Variants in ZNF654 observed in about 807,000 individuals in gnomAD.
The protein encoded by ZNF654 is melanoma-associated antigen.
A neutral mutation model predicts 95.3 loss-of-function variants in ZNF654; 19 were observed. The ratio of observed to expected loss-of-function variants is 0.20; its 90% CI spans 0.14 to 0.29. The LOEUF (loss-of-function observed/expected upper bound fraction) is 0.29. Among genes scored for constraint, ZNF654 ranks in the 10% least tolerant of loss-of-function variants. The pLI is 1.00. For synonymous variants in ZNF654, 413 were observed against 457.9 expected, an observed-to-expected ratio of 0.90 and a Z score of 1.25; for missense variants, 1,046 against 1,341.0, an observed-to-expected ratio of 0.78 and a Z score of 3.44.
Position 88,139,896 on chromosome 3 carries a change from G to C in ZNF654, c.2227G>C (p.Glu743Gln). 6.2e-7 allele frequency: 1 copy of C among 1,612,974 alleles called. No individual in the cohort carries two copies. Among genetic ancestry groups the C allele is most frequent in the Non-Finnish European group, 8.5e-7 (1 of 1,179,468 alleles). The part of the protein sequence containing the change: ...HPKDIYATDQ[E>Q]GNFKCPALGC... ...AAAAGACATATATGCCACAGATCAA[G>C]AAGGAAACTTTAAGTGTCCTGCTCT... is the stretch of plus-strand genomic sequence containing the variant. The change falls in exon 8 of 9, where the codon GAA becomes CAA. Residue 743 changes from glutamate to glutamine, a missense_variant. Glu to Gln is a conservative substitution (Grantham distance 29). Transcript: ENST00000636215.
chr3:88,114,871 T>C (rs1705296171), intron 3 of ZNF654, among the ~76,000 whole-genome samples: 1 of 152,212 alleles, frequency 6.6e-6, no homozygotes. Flanking sequence ...TCCAGGCTTT[T>C]GACTGACACT....
At chr3:88,084,725 A>G (rs747846442) in intron 1 of ZNF654, among the ~76,000 whole-genome samples, 3 of 152,086 alleles carry the variant, frequency 2.0e-5, no homozygotes. Flanking sequence ...ATTACACGAA[A>G]CTCTTGAGTC....
Position 88,139,689 on chromosome 3 carries a change from G to A in ZNF654, c.2020G>A (p.Glu674Lys). ...IPISVPEDVI[E>K]NVIENGSPNN... ...CATAAGTGTACCAGAAGATGTTATT[G>A]AAAATGTTATTGAAAATGGCAGTCC... The change falls in exon 8 of 9, where the codon GAA (glutamate) becomes AAA (lysine). Residue 674 changes from glutamate (E) to lysine (K), a missense_variant. This residue lies in a region of ZNF654 where 495 missense variants were observed against 537.0 expected (regional missense o/e 0.92). Coordinates refer to ENST00000636215, the MANE Select transcript of ZNF654 (RefSeq NM_001350134.2). 6.3e-7 allele frequency: 1 copy of A among 1,594,434 alleles called. No individual in the cohort carries two copies. Among genetic ancestry groups the A allele is most frequent in the Non-Finnish European group, 8.6e-7 (1 of 1,169,128 alleles).
intron 3 of ZNF654, among the ~76,000 whole-genome samples, chr3:88,114,756 G>A (rs1031211461): frequency 5.3e-5 from 8 of 152,104 alleles, no homozygotes; most frequent in African/African-American, 1.9e-4. Flanking sequence ...AGCTTATGCT[G>A]TGGGTGCTTC....
At chr3:88,114,115 G>GA (rs755207687) in intron 3 of ZNF654, among the ~76,000 whole-genome samples, 20 of 152,202 alleles carry the variant, frequency 1.3e-4, no homozygotes, top group African/African-American at 2.2e-4. Context: ...AAGCAAAACA[G>GA]AAAAAATCTT....
chr3:88,139,336 G>T lies in ZNF654; in HGVS notation c.1667G>T (p.Gly556Val). Residue 556 changes from glycine to valine, a missense_variant, in exon 8 of 9, where the codon GGT (glycine) becomes GTT (valine). Physicochemically the swap from Gly to Val is moderately radical, Grantham distance 109. Transcript: ENST00000636215. ...ATGTTATGTAACAAGGAATTTTTAG[G>T]TGGTCACATTGTAAGGCATGCCCAG... is the stretch of plus-strand genomic sequence containing the variant. The part of the protein sequence containing the change: ...RCMLCNKEFL[G>V]GHIVRHAQAH... The T allele has an allele frequency of 6.2e-7, 1 of 1,606,626 alleles. No homozygotes were observed. Among genetic ancestry groups the T allele is most frequent in the Non-Finnish European group, 8.5e-7 (1 of 1,177,550 alleles).
chr3:88,111,092 T>A (rs1236457750), intron 2 of ZNF654, among the ~76,000 whole-genome samples: 3 of 152,014 alleles, frequency 2.0e-5, no homozygotes, highest in African/African-American at 7.2e-5. Flanking sequence ...GTGTTGAACA[T>A]GGATTTTGAG....
chr3:88,062,436 C>G (rs758907356), intron 1 of ZNF654, among the ~76,000 whole-genome samples: 10 of 152,134 alleles, frequency 6.6e-5, no homozygotes, highest in Non-Finnish European at 1.2e-4. Context: ...CTGGAAATAA[C>G]TTGGTATTAT....
intron 2 of ZNF654, among the ~76,000 whole-genome samples, chr3:88,109,743 C>T (rs1374269030): frequency 5.9e-5 from 9 of 152,040 alleles, no homozygotes; most frequent in African/African-American, 2.2e-4. Flanking sequence ...GTGAACTGTA[C>T]ATAACTTACA....
At chr3:88,127,511 T>C (rs546952341) in intron 4 of ZNF654, among the ~76,000 whole-genome samples, 2 of 151,008 alleles carry the variant, frequency 1.3e-5, no homozygotes, top group South Asian at 4.2e-4. Flanking sequence ...TGAAGAAGTA[T>C]GAAGAGTCAA....
chr3:88,105,043 G>A (rs1704651938), intron 2 of ZNF654, among the ~76,000 whole-genome samples: 1 of 152,224 alleles, frequency 6.6e-6, no homozygotes, highest in Admixed American at 6.5e-5. Context: ...GGGAGACTGA[G>A]GCAGAAGAAT....
chr3:88,127,464 G>GGA (rs1427107629), intron 4 of ZNF654, among the ~76,000 whole-genome samples: 1 of 151,988 alleles, frequency 6.6e-6, no homozygotes, highest in Non-Finnish European at 1.5e-5. Context: ...AAACTAAAAG[G>GGA]GAGAGAGTTG....
intron 1 of ZNF654, among the ~76,000 whole-genome samples, chr3:88,069,290 T>C (rs1157072211): frequency 1.3e-5 from 2 of 152,062 alleles, no homozygotes; most frequent in African/African-American, 2.4e-5. Context: ...GGCATGGTGG[T>C]GCATGCCTGT....
intron 3 of ZNF654, among the ~76,000 whole-genome samples, chr3:88,123,414 G>T (rs1302443887): frequency 6.6e-6 from 1 of 152,122 alleles, no homozygotes; most frequent in Non-Finnish European, 1.5e-5. Context: ...ACAAAGATTG[G>T]CAAGAGTCAA....
In ZNF654 at chr3:88,096,806, C is replaced by A. The variant is rs73844872; in HGVS notation, c.332+10404C>A. Among the ~76,000 whole-genome samples the A allele has an allele frequency of 3.0e-3, 462 of 152,182 alleles. 3 individuals are homozygous for A. The highest frequency in any genetic ancestry group is 0.011 in the African/African-American group (444 of 41,530). ...ACCCTTGCCATTTACATTTACCTGT[C>A]CCCTAGTTTCCTAGTTTCTGTATCT... On this transcript the variant is annotated intron_variant, in intron 2 of 8. Transcript: ENST00000636215.
intron 6 of ZNF654, among the ~76,000 whole-genome samples, chr3:88,132,869 G>A (rs892916227): frequency 1.8e-4 from 27 of 152,188 alleles, no homozygotes; most frequent in African/African-American, 6.5e-4. Flanking sequence ...ATTTGTACTA[G>A]TTAGTTTGCA....
intron 2 of ZNF654, among the ~76,000 whole-genome samples, chr3:88,099,754 G>GA (rs1704292580): frequency 6.6e-6 from 1 of 152,150 alleles, no homozygotes; most frequent in African/African-American, 2.4e-5. Flanking sequence ...ATGGTGCCAG[G>GA]AAAACTGGCT....
intron 2 of ZNF654, among the ~76,000 whole-genome samples, chr3:88,107,353 G>A (rs1171075263): frequency 6.6e-6 from 1 of 152,028 alleles, no homozygotes; most frequent in Non-Finnish European, 1.5e-5. Flanking sequence ...TTACTGATTT[G>A]CATCTTAGAC....
intron 1 of ZNF654, among the ~76,000 whole-genome samples, chr3:88,070,978 C>G (rs772668893): frequency 6.6e-6 from 1 of 151,996 alleles, no homozygotes; most frequent in Non-Finnish European, 1.5e-5. Context: ...AAAACATAAT[C>G]AAGCTGAGGG....
Sources: gnomAD v4.1 joint callset for allele counts (sites outside exome capture counted in the v4.1 genomes callset) on GRCh38, gnomAD v4.1.1 for gene constraint, gnomAD v4.1.1 regional missense constraint, MANE v1.5 for transcripts, NCBI Gene and HGNC (gene_info 2026-07-23, HGNC 2026-07-21) for gene names.